The following RABGAP1L variants were observed in gnomAD, a reference collection of about 807,000 sequenced individuals.
RABGAP1L encodes the protein RAB GTPase activating protein 1 like.
Under a neutral mutation model 137.7 loss-of-function variants are expected in RABGAP1L, and 63 were observed. The observed-to-expected ratio is 0.46, with a 90% CI of 0.37 to 0.56. The LOEUF (loss-of-function observed/expected upper bound fraction) is 0.56. Among genes scored for constraint, RABGAP1L ranks in the 20% least tolerant of loss-of-function variants. The pLI is 0.00. For synonymous variants in RABGAP1L, 431 were observed against 433.7 expected (o/e 0.99, Z 0.08); for missense variants, 1,095 against 1,244.0 (o/e 0.88, Z 1.80).
chr1:174,573,412 G>A (rs1415930996), intron 13 of RABGAP1L, among the ~76,000 whole-genome samples: 1 of 151,960 alleles, frequency 6.6e-6, no homozygotes, highest in Non-Finnish European at 1.5e-5. Context: ...ACCATCAAAA[G>A]TCATTAAGTG....
intron 18 of RABGAP1L, among the ~76,000 whole-genome samples, chr1:174,763,837 CAAAAAAA>C (rs570110788): frequency 1.2e-5 from 1 of 81,170 alleles, no homozygotes; most frequent in African/African-American, 4.8e-5. Flanking sequence ...GACTCCGTCT[CAAAAAAA>C]AAAAAAAAAA....
chr1:174,421,406 C>T (rs190366734), intron 13 of RABGAP1L, among the ~76,000 whole-genome samples: 1 of 152,104 alleles, frequency 6.6e-6, no homozygotes, highest in Non-Finnish European at 1.5e-5. Flanking sequence ...AGCTGAAGAA[C>T]CCTTTTTAAA....
chr1:174,971,620 A>G (rs1322585194), intron 21 of RABGAP1L, among the ~76,000 whole-genome samples: 2 of 152,228 alleles, frequency 1.3e-5, no homozygotes, highest in African/African-American at 2.4e-5. Flanking sequence ...TGTTTCATGC[A>G]TATTTCCTCC....
At chr1:174,821,627 A>G (rs1171647850) in intron 19 of RABGAP1L, among the ~76,000 whole-genome samples, 1 of 152,242 alleles carries the variant, frequency 6.6e-6, no homozygotes. Context: ...GTAAAGAACA[A>G]TTGCATTAAA....
intron 10 of RABGAP1L, among the ~76,000 whole-genome samples, chr1:174,284,832 C>T (rs1313148672): frequency 2.3e-5 from 3 of 130,284 alleles, no homozygotes; most frequent in Admixed American, 9.4e-5. Context: ...TATGGATATT[C>T]GGGTTCTATA....
chr1:174,596,534 T>G (rs1572442843), intron 13 of RABGAP1L, among the ~76,000 whole-genome samples: 1 of 152,252 alleles, frequency 6.6e-6, no homozygotes, highest in African/African-American at 2.4e-5. Flanking sequence ...GTTGGCATAT[T>G]TAAATGCTAT....
chr1:174,231,298 G>C lies in RABGAP1L; in HGVS notation c.485G>C (p.Ser162Thr), dbSNP rs1670629198. Residue 162 changes from serine to threonine, a missense_variant, in exon 4 of 26, where the codon AGT becomes ACT. Physicochemically the swap from Ser to Thr is moderately conservative, Grantham distance 58 (BLOSUM62 1). Around this residue, in one of 4 missense-constraint regions of RABGAP1L, gnomAD observed 356 missense variants for 326.3 expected, o/e 1.09. Coordinates refer to ENST00000681986, the MANE Select transcript of RABGAP1L (RefSeq NM_001366446.1). ...GCAATGGCAACCATGAAATCTTCCA[G>C]TCAATACCCCTTTCCTGTTACCCTG... ...LRAMATMKSS[S>T]QYPFPVTLYV... The C allele has an allele frequency of 1.2e-6, 2 of 1,614,100 alleles. No homozygotes were observed. Among genetic ancestry groups the C allele is most frequent in the Non-Finnish European group, 1.7e-6 (2 of 1,180,014 alleles).
intron 16 of RABGAP1L, chr1:174,701,272 T>G (rs1329023145): frequency 5.1e-6 from 6 of 1,168,986 alleles, no homozygotes; most frequent in African/African-American, 1.6e-5. Context: ...ATTTTATATA[T>G]TATACCTTTG....
At chr1:174,311,966 A>G (rs1439298698) in intron 11 of RABGAP1L, among the ~76,000 whole-genome samples, 1 of 152,198 alleles carries the variant, frequency 6.6e-6, no homozygotes, top group African/African-American at 2.4e-5. Context: ...GCATGTAAGT[A>G]TCACATTTTC....
chr1:174,522,144 C>T (rs1663457125), intron 13 of RABGAP1L, among the ~76,000 whole-genome samples: 1 of 151,860 alleles, frequency 6.6e-6, no homozygotes, highest in Non-Finnish European at 1.5e-5. Context: ...GGCCGTCATA[C>T]AGTAAAGCCT....
intron 17 of RABGAP1L, among the ~76,000 whole-genome samples, chr1:174,751,473 C>T (rs1684331178): frequency 6.6e-6 from 1 of 152,190 alleles, no homozygotes; most frequent in African/African-American, 2.4e-5. Context: ...CTTATGCCAA[C>T]TCATACTTGA....
At position 174,980,667 on chromosome 1, in the gene RABGAP1L, A is replaced by G. The variant is rs1329814217; in HGVS notation, c.2733+1777A>G. On this transcript the variant is annotated intron_variant, in intron 23 of 25. Coordinates refer to ENST00000681986, the MANE Select transcript of RABGAP1L (RefSeq NM_001366446.1). ...CAAAGGGACGTTAGGGTCCAGATCA[A>G]GGAAAGTCTTCAGGGCTAGGCTTGG... is the stretch of plus-strand genomic sequence containing the variant. Among the ~76,000 whole-genome samples, 13 of 152,232 alleles carry G rather than the reference A, an allele frequency of 8.5e-5. 1 individual carries two copies. Among genetic ancestry groups the G allele is most frequent in the Admixed American group, 8.5e-4 (13 of 15,286 alleles).
intron 1 of RABGAP1L, among the ~76,000 whole-genome samples, chr1:174,167,508 G>A (rs1416181384): frequency 6.6e-6 from 1 of 152,176 alleles, no homozygotes; most frequent in Non-Finnish European, 1.5e-5. Context: ...AGACTACCAT[G>A]TGAGTATTCA....
At chr1:174,766,213 G>C (rs2148715719) in intron 18 of RABGAP1L, among the ~76,000 whole-genome samples, 1 of 152,284 alleles carries the variant, frequency 6.6e-6, no homozygotes, top group Non-Finnish European at 1.5e-5. Context: ...CTAGCCTCCA[G>C]AACTGTGAGA....
intron 19 of RABGAP1L, among the ~76,000 whole-genome samples, chr1:174,909,007 A>G (rs143434914): frequency 0.08 from 2,583 of 32,088 alleles, 79 homozygotes; most frequent in African/African-American, 0.26. Flanking sequence ...CCCCATCTCT[A>G]CTAAAAATAC....
At chr1:174,852,021 A>G (rs1368135368) in intron 19 of RABGAP1L, among the ~76,000 whole-genome samples, 1 of 152,172 alleles carries the variant, frequency 6.6e-6, no homozygotes, top group African/African-American at 2.4e-5. Flanking sequence ...TTTATCCAAG[A>G]CTGAATAAAG....
intron 11 of RABGAP1L, among the ~76,000 whole-genome samples, chr1:174,315,419 A>G (rs887664145): frequency 1.3e-5 from 2 of 152,100 alleles, no homozygotes; most frequent in African/African-American, 4.8e-5. Flanking sequence ...TAGGCAACAG[A>G]TCAATGGGTT....
intron 19 of RABGAP1L, among the ~76,000 whole-genome samples, chr1:174,852,364 G>A (rs191881204): frequency 1.3e-5 from 2 of 152,178 alleles, no homozygotes; most frequent in African/African-American, 4.8e-5. Context: ...GTGACTCTCT[G>A]TTACTGAGTT....
At chr1:174,810,632 T>C (rs1273526944) in intron 18 of RABGAP1L, among the ~76,000 whole-genome samples, 12 of 152,212 alleles carry the variant, frequency 7.9e-5, no homozygotes, top group Non-Finnish European at 1.2e-4. Context: ...TTTTGACTAT[T>C]AAGTACTGAC....
Sources: gnomAD v4.1 joint callset for allele counts (sites outside exome capture counted in the v4.1 genomes callset) on GRCh38, gnomAD v4.1.1 for gene constraint, gnomAD v4.1.1 regional missense constraint, MANE v1.5 for transcripts, NCBI Gene and HGNC (gene_info 2026-07-23, HGNC 2026-07-21) for gene names.